SEMA3A: variants seen among roughly 807,000 people sequenced by gnomAD.
The protein encoded by SEMA3A is semaphorin-3A.
SEMA3A carries 29 observed loss-of-function variants against 97.9 expected under a neutral mutation model. That is an observed-to-expected ratio of 0.30 (90% CI 0.22 to 0.40). The LOEUF is 0.40. Ranked by LOEUF, SEMA3A falls within the 10% of genes least tolerant of loss-of-function variation. The probability of loss-of-function intolerance (pLI) is 1.00; values close to 1 mark genes in which losing one functional copy is unlikely to be tolerated. For synonymous variants in SEMA3A, 321 were observed against 323.7 expected (o/e 0.99, Z 0.09); for missense variants, 763 against 951.3 (o/e 0.80, Z 2.60).
At position 84,437,565 on chromosome 7, in the gene SEMA3A, C is replaced by CT. The variant is rs796720398; in HGVS notation, c.-246+54894dup. On this transcript the variant is annotated intron_variant, in intron 1 of 3. Coordinates refer to the SEMA3A transcript ENST00000424555. ...CATAACATTGACTTTCTAATGCTGG[C>CT]TTTTTTTTTTTTTTAAGTAAAAGAG... Among the ~76,000 whole-genome samples the CT allele has an allele frequency of 9.2e-3, 1,207 of 131,212 alleles. 9 individuals carry two copies. Among genetic ancestry groups the CT allele is most frequent in the African/African-American group, 0.021 (775 of 36,272 alleles). 86.1% of individuals were successfully genotyped at this position (131,212 alleles called of 152,430 possible).
At chr7:84,055,425 C>T (rs563952179) in intron 5 of SEMA3A, among the ~76,000 whole-genome samples, 43 of 152,160 alleles carry the variant, frequency 2.8e-4, no homozygotes, top group Non-Finnish European at 4.4e-4. Flanking sequence ...TTTTTAAGCC[C>T]GTCGGAAAAG....
intron 1 of SEMA3A, among the ~76,000 whole-genome samples, chr7:84,376,958 T>G (rs1373239077): frequency 6.6e-6 from 1 of 152,180 alleles, no homozygotes; most frequent in Non-Finnish European, 1.5e-5. Flanking sequence ...AATACTTTCA[T>G]TTATTCTTTA....
At chr7:84,491,548 T>C (rs1806735505) in intron 1 of SEMA3A, among the ~76,000 whole-genome samples, 1 of 152,144 alleles carries the variant, frequency 6.6e-6, no homozygotes, top group African/African-American at 2.4e-5. Flanking sequence ...CACATTCTTT[T>C]ACATTGGCTG....
In SEMA3A at chr7:83,961,134, T is replaced by G; in HGVS notation, c.*237A>C. On this transcript the variant is annotated 3_prime_UTR_variant, in exon 17 of 17. Coordinates refer to ENST00000265362, the MANE Select transcript of SEMA3A (RefSeq NM_006080.3). ...ATCTCATAGGAAACATTAAGTCTGCTAAAGTGAACATCTGCATTCACCTGT... is the reference window on the plus strand; with the variant it reads ...ATCTCATAGGAAACATTAAGTCTGCGAAAGTGAACATCTGCATTCACCTGT... 3 of 532,732 alleles carry G rather than the reference T, an allele frequency of 5.6e-6. No homozygotes were observed. The highest frequency in any genetic ancestry group is 4.2e-5 in the South Asian group (2 of 47,194). 33.0% of individuals were successfully genotyped at this position (532,732 alleles called of 1,614,324 possible). A position where few individuals can be genotyped will look rare whatever the true frequency, so the allele number is the denominator to read the frequency against.
chr7:84,360,946 T>A (rs1321451057), intron 2 of SEMA3A, among the ~76,000 whole-genome samples: 1 of 152,044 alleles, frequency 6.6e-6, no homozygotes, highest in Non-Finnish European at 1.5e-5. Flanking sequence ...CTTTCAGGAA[T>A]TAAAATTTAA....
At position 84,105,058 on chromosome 7, in the gene SEMA3A, C is replaced by G. The variant is rs3801626; in HGVS notation, c.453+5412G>C. Reference sequence around the variant, plus strand: ...ATGAACAGCTGAGTTGCCAATGAATCTCGACTTTTCTCACTGAGGCTAGCA... The same window carrying G: ...ATGAACAGCTGAGTTGCCAATGAATGTCGACTTTTCTCACTGAGGCTAGCA... On this transcript the variant is annotated intron_variant, in intron 4 of 16. Coordinates refer to ENST00000265362, the MANE Select transcript of SEMA3A (RefSeq NM_006080.3). Among the ~76,000 whole-genome samples the G allele has an allele frequency of 4.1e-3, 621 of 152,176 alleles. 2 individuals carry two copies. Among genetic ancestry groups the G allele is most frequent in the East Asian group, 0.017 (86 of 5,162 alleles).
intron 2 of SEMA3A, among the ~76,000 whole-genome samples, chr7:84,132,083 G>T (rs866579327): frequency 4.0e-4 from 61 of 152,274 alleles, no homozygotes; most frequent in Middle Eastern, 3.4e-3. Flanking sequence ...AACCTGCTGG[G>T]ATTACAGGTG....
At chr7:84,050,864 T>A (rs1792598348) in intron 5 of SEMA3A, among the ~76,000 whole-genome samples, 1 of 151,526 alleles carries the variant, frequency 6.6e-6, no homozygotes, top group Admixed American at 6.6e-5. Context: ...AAGTCTTTAA[T>A]CCATCTTGAA....
At chr7:84,365,603 T>C (rs1802829299) in intron 2 of SEMA3A, among the ~76,000 whole-genome samples, 1 of 151,578 alleles carries the variant, frequency 6.6e-6, no homozygotes, top group African/African-American at 2.4e-5. Context: ...TCCACTGATC[T>C]GCTTGTTTAA....
At chr7:84,476,104 C>T (rs529945008) in intron 1 of SEMA3A, among the ~76,000 whole-genome samples, 18 of 151,874 alleles carry the variant, frequency 1.2e-4, no homozygotes, top group Non-Finnish European at 2.1e-4. Flanking sequence ...TGCCTGTAGT[C>T]CCAGCACTTT....
At chr7:84,062,538 GT>G (rs916686487) in intron 4 of SEMA3A, among the ~76,000 whole-genome samples, 58 of 152,330 alleles carry the variant, frequency 3.8e-4, no homozygotes, top group African/African-American at 1.4e-3. Context: ...GTGCGAGACA[GT>G]GGGCATAGGT....
intron 1 of SEMA3A, among the ~76,000 whole-genome samples, chr7:84,466,161 T>G (rs1562956844): frequency 6.6e-6 from 1 of 151,394 alleles, no homozygotes; most frequent in Non-Finnish European, 1.5e-5. Flanking sequence ...TTGTTAGGTT[T>G]TTTGTTTGTT....
intron 3 of SEMA3A, among the ~76,000 whole-genome samples, chr7:84,203,526 A>ATATATATATATTTTTTTTTTTT (rs372380784): frequency 3.9e-5 from 1 of 25,674 alleles, no homozygotes. Flanking sequence ...ATATATATAT[A>ATATATATATATTTTTTTTTTTT]TTTTTTTTTT....
intron 3 of SEMA3A, chr7:84,306,487 T>A (rs1380751581): frequency 1.3e-5 from 2 of 152,172 alleles, no homozygotes; most frequent in Non-Finnish European, 2.9e-5. Flanking sequence ...AAGAATATGT[T>A]TTCATTTCTT....
At chr7:84,255,539 C>T (rs972854527) in intron 3 of SEMA3A, among the ~76,000 whole-genome samples, 13 of 152,082 alleles carry the variant, frequency 8.5e-5, no homozygotes, top group Admixed American at 5.9e-4. Context: ...AAGAATTACT[C>T]AAATGGATAG....
intron 4 of SEMA3A, among the ~76,000 whole-genome samples, chr7:84,100,843 G>A (rs1214511246): frequency 6.6e-6 from 1 of 152,142 alleles, no homozygotes; most frequent in Non-Finnish European, 1.5e-5. Flanking sequence ...TGAATGTTAA[G>A]CCTCCATTAT....
At chr7:84,084,741 T>A (rs1286330010) in intron 4 of SEMA3A, among the ~76,000 whole-genome samples, 1 of 152,120 alleles carries the variant, frequency 6.6e-6, no homozygotes, top group Non-Finnish European at 1.5e-5. Context: ...AAAAGTTCTT[T>A]TAAAAAACGC....
intron 3 of SEMA3A, among the ~76,000 whole-genome samples, chr7:84,274,041 T>C (rs924574124): frequency 6.6e-6 from 1 of 152,082 alleles, no homozygotes; most frequent in African/African-American, 2.4e-5. Flanking sequence ...TTTCTTGACA[T>C]AGAATTTTGG....
At chr7:84,120,110 A>T (rs561467323) in intron 3 of SEMA3A, among the ~76,000 whole-genome samples, 6,315 of 152,208 alleles carry the variant, frequency 0.041, 189 homozygotes, top group East Asian at 0.12. Flanking sequence ...CAAAAAAAAA[A>T]AAAATTAAAA....
Sources: gnomAD v4.1 joint callset for allele counts (sites outside exome capture counted in the v4.1 genomes callset) on GRCh38, gnomAD v4.1.1 for gene constraint, MANE v1.5 for transcripts, NCBI Gene and HGNC (gene_info 2026-07-23, HGNC 2026-07-21) for gene names.